TMEM267: variants seen among roughly 807,000 people sequenced by gnomAD.
The protein encoded by TMEM267 is transmembrane protein C5orf28.
Under a neutral mutation model 19.3 loss-of-function variants are expected in TMEM267, and 20 were observed. The observed-to-expected ratio is 1.04, with a 90% CI of 0.73 to 1.51. The LOEUF is 1.51. TMEM267 is among the 40% of genes most tolerant of loss of function. The probability of loss-of-function intolerance (pLI) is 0.00; values close to 1 mark genes in which losing one functional copy is unlikely to be tolerated. For synonymous variants in TMEM267, 88 were observed against 90.3 expected, an observed-to-expected ratio of 0.97 and a Z score of 0.15; for missense variants, 242 against 261.9, an observed-to-expected ratio of 0.92 and a Z score of 0.52.
At chr5:43,446,620 C>T in intron 2 of TMEM267, 63 bp from the exon 3 acceptor site, 2 of 998,786 alleles carry the variant, frequency 2.0e-6, no homozygotes, top group East Asian at 2.5e-5. Flanking sequence ...TTTATACATG[C>T]TTCTTAATAT....
Position 43,474,025 on chromosome 5 carries a change from T to C in TMEM267, c.-75+9797A>G, listed in dbSNP as rs187288831. ...AAAAAGCAATGGGGAAAGGAATTCC[T>C]AGTTAATAAATGGTGTTGGGAAAAC... On this transcript the variant is annotated intron_variant, in intron 1 of 2. Coordinates refer to ENST00000397080, the MANE Select transcript of TMEM267 (RefSeq NM_022483.5). 2.6e-5 allele frequency among the ~76,000 whole-genome samples: 4 copies of C among 152,350 alleles called. No homozygotes were observed. In the East Asian group the frequency reaches 7.7e-4, roughly 29 times the overall value.
At chr5:43,457,712 T>C (rs1743031922) in intron 1 of TMEM267, among the ~76,000 whole-genome samples, 2 of 152,124 alleles carry the variant, frequency 1.3e-5, no homozygotes, top group African/African-American at 2.4e-5. Context: ...CCAAACCATA[T>C]CAGTTTATAA....
intron 1 of TMEM267, among the ~76,000 whole-genome samples, chr5:43,479,501 TA>T (rs1398682188): frequency 4.7e-5 from 2 of 42,192 alleles, no homozygotes; most frequent in Non-Finnish European, 1.1e-4. Context: ...AAAAAGGTAA[TA>T]AAAAAGGTAT....
intron 1 of TMEM267, among the ~76,000 whole-genome samples, chr5:43,465,217 C>A (rs1743574016): frequency 6.6e-6 from 1 of 152,208 alleles, no homozygotes; most frequent in African/African-American, 2.4e-5. Context: ...TGCTCATCAT[C>A]ACTGGCCATC....
chr5:43,465,705 CA>C (rs1395850617), intron 1 of TMEM267, among the ~76,000 whole-genome samples: 2 of 151,920 alleles, frequency 1.3e-5, no homozygotes, highest in Non-Finnish European at 2.9e-5. Context: ...ATCACAAGGA[CA>C]AAAAACCAAA....
rs1279787255 is a variant in TMEM267 at position 43,448,014 on chromosome 5, T to C, written c.313-1457A>G. ...AAAGAAGTAGTAAAAGGAAGAAATGTAGTTTCCTGTCCAAAAAACACAAAC... is the reference window on the plus strand; with the variant it reads ...AAAGAAGTAGTAAAAGGAAGAAATGCAGTTTCCTGTCCAAAAAACACAAAC... On this transcript the variant is annotated intron_variant, in intron 2 of 2. Coordinates refer to ENST00000397080, the MANE Select transcript of TMEM267 (RefSeq NM_022483.5). 3.3e-5 allele frequency among the ~76,000 whole-genome samples: 5 copies of C among 152,170 alleles called. No homozygotes were observed. In the East Asian group the frequency reaches 9.6e-4, roughly 29 times the overall value.
At chr5:43,459,472 AAAC>A (rs1314497731) in intron 1 of TMEM267, among the ~76,000 whole-genome samples, 1 of 152,228 alleles carries the variant, frequency 6.6e-6, no homozygotes, top group Non-Finnish European at 1.5e-5. Flanking sequence ...TTATTGTTCA[AAAC>A]AAAACACCTC....
intron 1 of TMEM267, among the ~76,000 whole-genome samples, chr5:43,461,998 C>T (rs1013429042): frequency 6.6e-5 from 10 of 152,204 alleles, no homozygotes; most frequent in East Asian, 1.9e-4. Flanking sequence ...AAGTGCCATG[C>T]TGGGTTCAGG....
Position 43,446,214 on chromosome 5 carries a change from C to T in TMEM267, c.*8G>A, listed in dbSNP as rs114321175. ...GAGCCATTTGCTTCTCTAAGACTGC[C>T]GTGTACCTCAGACATCAATACGAAC... On this transcript the variant is annotated 3_prime_UTR_variant, in exon 3 of 3. Coordinates refer to ENST00000397080, the MANE Select transcript of TMEM267 (RefSeq NM_022483.5). 1,477 of 1,583,490 alleles carry T rather than the reference C, an allele frequency of 9.3e-4. 15 individuals carry two copies. In the African/African-American group the frequency reaches 0.017, roughly 19 times the overall value.
chr5:43,476,520 T>A (rs960313567), intron 1 of TMEM267, among the ~76,000 whole-genome samples: 40 of 144,164 alleles, frequency 2.8e-4, no homozygotes, highest in African/African-American at 8.7e-4. Context: ...TTTTTTTTTT[T>A]TTTTTTTTTT....
chr5:43,447,515 T>G (rs1742324456), intron 2 of TMEM267, among the ~76,000 whole-genome samples: 1 of 152,198 alleles, frequency 6.6e-6, no homozygotes. Flanking sequence ...TAAAGACTAA[T>G]TTGCAGCGAG....
chr5:43,474,173 C>T (rs1193811533), intron 1 of TMEM267, among the ~76,000 whole-genome samples: 1 of 152,124 alleles, frequency 6.6e-6, no homozygotes, highest in Non-Finnish European at 1.5e-5. Context: ...AAGAAGAAAA[C>T]CTAGGCAATT....
At chr5:43,479,633 T>G (rs979460912) in intron 1 of TMEM267, among the ~76,000 whole-genome samples, 4 of 152,236 alleles carry the variant, frequency 2.6e-5, no homozygotes, top group African/African-American at 9.6e-5. Context: ...TTCATAGTTA[T>G]GTAATAATAG....
chr5:43,450,809 T>C (rs1346063125), intron 2 of TMEM267, among the ~76,000 whole-genome samples: 6 of 152,192 alleles, frequency 3.9e-5, no homozygotes, highest in Non-Finnish European at 8.8e-5. Flanking sequence ...TCCCAATCTC[T>C]AACATTTATT....
intron 1 of TMEM267, among the ~76,000 whole-genome samples, chr5:43,471,050 AAAAAGAGGGAAGAT>A (rs1166394785): frequency 6.6e-6 from 1 of 152,172 alleles, no homozygotes; most frequent in Non-Finnish European, 1.5e-5. Context: ...AGACTAAGAA[AAAAAGAGGGAAGAT>A]AAAAGAGAGA....
At chr5:43,479,197 G>C (rs1205843514) in intron 1 of TMEM267, among the ~76,000 whole-genome samples, 1 of 151,776 alleles carries the variant, frequency 6.6e-6, no homozygotes, top group Non-Finnish European at 1.5e-5. Context: ...TGTTCATTAA[G>C]TATTCAAATT....
At chr5:43,476,408 G>T (rs891052058) in intron 1 of TMEM267, 1 of 150,368 alleles carries the variant, frequency 6.7e-6, no homozygotes, top group Non-Finnish European at 1.5e-5. Flanking sequence ...TCAGAGGCAA[G>T]TCTGCAGACC....
chr5:43,453,917 T>C lies in TMEM267; in HGVS notation c.53A>G (p.Glu18Gly), dbSNP rs1381266158. 5 of 1,613,906 alleles carry C rather than the reference T, an allele frequency of 3.1e-6. No individual in the cohort carries two copies. The highest frequency in any genetic ancestry group is 4.2e-6 in the Non-Finnish European group (5 of 1,180,002). ...THALLQTCST[E>G]SLISSLGLGA... is the part of the protein sequence containing the mutation. The stretch of plus-strand genomic sequence containing the variant: ...CAGACCAAGGCTGGAAATAAGAGAT[T>C]CAGTGCTACAAGTCTGCAGTAAAGC... Residue 18 changes from glutamate (E) to glycine (G), a missense_variant, in exon 2 of 3, where the codon GAA becomes GGA. Coordinates refer to ENST00000397080, the MANE Select transcript of TMEM267 (RefSeq NM_022483.5).
chr5:43,468,159 GAAGTA>G (rs1251122904), intron 1 of TMEM267, among the ~76,000 whole-genome samples: 4 of 152,096 alleles, frequency 2.6e-5, no homozygotes, highest in African/African-American at 7.2e-5. Context: ...CAATTTTACA[GAAGTA>G]AAGTAGGCAA....
Sources: allele counts gnomAD v4.1 joint callset (sites outside exome capture counted in the v4.1 genomes callset), GRCh38; gene constraint gnomAD v4.1.1; transcripts MANE v1.5; gene names NCBI Gene and HGNC (gene_info 2026-07-23, HGNC 2026-07-21).